Variants in ARFGAP2 observed in about 807,000 individuals in gnomAD.
The protein encoded by ARFGAP2 is ADP-ribosylation factor GTPase-activating protein 2.
A neutral mutation model predicts 71.9 loss-of-function variants in ARFGAP2; 45 were observed. That is an observed-to-expected ratio of 0.63 (90% CI 0.49 to 0.80). The LOEUF (loss-of-function observed/expected upper bound fraction) is 0.80. Ranked by LOEUF, ARFGAP2 falls within the 30% of genes least tolerant of loss-of-function variation. The probability of loss-of-function intolerance (pLI) is 0.00; values close to 1 mark genes in which losing one functional copy is unlikely to be tolerated. For missense variants in ARFGAP2, 633 were observed against 673.9 expected (o/e 0.94, Z 0.67); for synonymous variants, 248 against 249.2 (o/e 1.00, Z 0.05).
In ARFGAP2 at chr11:47,171,445, TG is replaced by T. The variant is rs755214880; in HGVS notation, c.921del (p.Met308TrpfsTer19). The T allele has an allele frequency of 6.2e-7, 1 of 1,614,252 alleles. No homozygotes were observed. Among genetic ancestry groups the T allele is most frequent in the South Asian group, 1.1e-5 (1 of 91,084 alleles). Reference protein sequence around the residue: ...GKKREQAERLGMGLVSRSSVS... With the variant: ...GKKREQAERLXMGLVSRSSVS... ...CCTCACCTTCGGGATACCAAGCCCA[TG>T]CCCAACCTTTCTGCCTGCTCTCGCT... is the stretch of plus-strand genomic sequence containing the variant. On this transcript the variant is annotated frameshift_variant, in exon 10 of 16. Coordinates refer to ENST00000524782, the MANE Select transcript of ARFGAP2 (RefSeq NM_032389.6). LOFTEE classifies it high-confidence loss of function.
In ARFGAP2 at chr11:47,176,784, T is replaced by G. The variant is rs1208189158; in HGVS notation, c.70A>C (p.Lys24Gln). 1 of 1,613,914 alleles carries G rather than the reference T, an allele frequency of 6.2e-7. No homozygotes were observed. Among genetic ancestry groups the G allele is most frequent in the Non-Finnish European group, 8.5e-7 (1 of 1,179,998 alleles). ...FKRLRAVPTN[K>Q]ACFDCGAKNP... ...CCGCGCGCCCCCTGCTCACGCACCT[T>G]GTTGGTTGGAACTGCGCGAAGCCTC... Residue 24 changes from lysine to glutamine, a missense_variant and splice_region_variant, in exon 1 of 16, where the codon AAG (lysine) becomes CAG (glutamine). Transcript: ENST00000524782.
At chr11:47,168,856 C>T (rs899454317) in intron 10 of ARFGAP2, among the ~76,000 whole-genome samples, 5 of 152,026 alleles carry the variant, frequency 3.3e-5, no homozygotes, top group African/African-American at 1.2e-4. Context: ...CACCAGATGC[C>T]AGTGGTCTCT....
intron 8 of ARFGAP2, 112 bp from the exon 9 acceptor site, chr11:47,171,912 G>A: frequency 1.4e-6 from 2 of 1,471,336 alleles, no homozygotes; most frequent in Non-Finnish European, 1.8e-6. Flanking sequence ...TAAAATTTAG[G>A]GTAAAAAACA....
In ARFGAP2 at chr11:47,168,429, C is replaced by T. The variant is rs79390375; in HGVS notation, c.942-178G>A. Reference sequence around the variant, plus strand: ...CAGAAGGCTAGCTGTGTGTGGTGACCTGTGAAGCACACCTCAGAATTCTTT... The same window carrying T: ...CAGAAGGCTAGCTGTGTGTGGTGACTTGTGAAGCACACCTCAGAATTCTTT... On this transcript the variant is annotated intron_variant, in intron 10 of 15. Coordinates refer to ENST00000524782, the MANE Select transcript of ARFGAP2 (RefSeq NM_032389.6). The T allele has an allele frequency of 5.5e-3, 3,957 of 714,066 alleles. 123 individuals are homozygous for T. The African/African-American group carries it at 0.063, about 11-fold the overall frequency. The allele number at this position is 714,066 out of a possible 1,614,324, so 44.2% of individuals were successfully genotyped here. A position where few individuals can be genotyped will look rare whatever the true frequency, so the allele number is the denominator to read the frequency against.
intron 2 of ARFGAP2, chr11:47,176,260 C>T (rs1952816218): frequency 3.4e-6 from 2 of 590,794 alleles, no homozygotes; most frequent in African/African-American, 3.7e-5. Context: ...CCTCCCTTTC[C>T]CCTCAACTAA....
rs1263032900 is a variant in ARFGAP2 at position 47,176,638 on chromosome 11, G to A, written c.73-4C>T. ...TGGCGCCGCAGTCGAAACAGGCCTG[G>A]GTGGAGGCGGCGATGAGCGAATCGT... On this transcript the variant is annotated splice_polypyrimidine_tract_variant and splice_region_variant and intron_variant, in intron 1 of 15. Coordinates refer to ENST00000524782, the MANE Select transcript of ARFGAP2 (RefSeq NM_032389.6). 8 of 1,614,012 alleles carry A rather than the reference G, an allele frequency of 5.0e-6. No individual in the cohort carries two copies. Among genetic ancestry groups the A allele is most frequent in the African/African-American group, 1.3e-5 (1 of 75,058 alleles).
At chr11:47,172,742 T>A (rs777491218) in intron 7 of ARFGAP2, 1 of 1,294,298 alleles carries the variant, frequency 7.7e-7, no homozygotes, top group East Asian at 5.5e-5. Context: ...AGCTGACAGA[T>A]ACACGGACTC....
chr11:47,172,780 A>G, intron 7 of ARFGAP2: 1 of 1,291,530 alleles, frequency 7.7e-7, no homozygotes, highest in Non-Finnish European at 1.0e-6. Flanking sequence ...TGTGGCTAAC[A>G]AGAGGCCCAC....
At position 47,175,281 on chromosome 11, in the gene ARFGAP2, G is replaced by A. The variant is rs773042915; in HGVS notation, c.297C>T (p.Ala99=). The A allele has an allele frequency of 2.5e-6, 4 of 1,614,144 alleles. No individual in the cohort carries two copies. Among genetic ancestry groups the A allele is most frequent in the Admixed American group, 3.3e-5 (2 of 60,022 alleles). Residue 99 remains alanine (A), a synonymous_variant, in exon 4 of 16, where the codon GCC becomes GCT. Coordinates refer to ENST00000524782, the MANE Select transcript of ARFGAP2 (RefSeq NM_032389.6). ...TAFFRQHGCT[A]NDANTKYNSR... Reference sequence around the variant, plus strand: ...TATTATATTTGGTGTTGGCATCATTGGCTGTGCATCCATGTTGGCGAAAAA... The same window carrying A: ...TATTATATTTGGTGTTGGCATCATTAGCTGTGCATCCATGTTGGCGAAAAA...
intron 2 of ARFGAP2, chr11:47,176,139 G>T (rs947709085): frequency 8.3e-6 from 5 of 604,642 alleles, no homozygotes; most frequent in Non-Finnish European, 1.2e-5. Flanking sequence ...TCCGAAAGGA[G>T]GTCACATTCT....
chr11:47,176,305 G>T, intron 2 of ARFGAP2: 1 of 601,320 alleles, frequency 1.7e-6, no homozygotes, highest in South Asian at 2.0e-5. Flanking sequence ...TCAAAAAAGA[G>T]GAAGTTTTGG....
intron 3 of ARFGAP2, 121 bp downstream of exon 3, chr11:47,175,730 G>C: frequency 9.0e-7 from 1 of 1,116,880 alleles, no homozygotes; most frequent in Non-Finnish European, 1.3e-6. Context: ...AATAGCTTAT[G>C]GTGGTGTTAT....
rs116820115 is a variant in ARFGAP2, at chr11:47,164,451, A to G, written c.*1031T>C. The stretch of plus-strand genomic sequence containing the variant: ...TGTGTTGCTTGGGAGCCCAACCTAC[A>G]ACCCAAAGGTGGGGGCTGGGCTGAG... On this transcript the variant is annotated 3_prime_UTR_variant, in exon 16 of 16. Transcript: ENST00000524782. The G allele has an allele frequency of 2.0e-3, 1,056 of 519,326 alleles. 18 individuals are homozygous for G. The highest frequency in any genetic ancestry group is 0.018 in the African/African-American group (939 of 50,928). 32.2% of individuals were successfully genotyped at this position (519,326 alleles called of 1,614,324 possible).
intron 10 of ARFGAP2, 105 bp downstream of exon 10, chr11:47,171,321 A>G: frequency 6.5e-7 from 1 of 1,533,752 alleles, no homozygotes; most frequent in Non-Finnish European, 8.8e-7. Context: ...ATCTATTCAG[A>G]CTTGGAGAAA....
rs1257303126 is a variant in ARFGAP2, at chr11:47,165,430, T to C, written c.*52A>G. 1.9e-6 allele frequency: 3 copies of C among 1,553,884 alleles called. No individual in the cohort carries two copies. Among genetic ancestry groups the C allele is most frequent in the Non-Finnish European group, 2.6e-6 (3 of 1,150,154 alleles). ...GGCAAAGCATCCCCAGCCTGGGAAC[T>C]GTGGAGTTCTTGTTGCCGTCACCAT... On this transcript the variant is annotated 3_prime_UTR_variant, in exon 16 of 16. Coordinates refer to ENST00000524782, the MANE Select transcript of ARFGAP2 (RefSeq NM_032389.6).
chr11:47,172,630 C>G (rs1189206965), intron 7 of ARFGAP2: 2 of 1,322,124 alleles, frequency 1.5e-6, no homozygotes, highest in African/African-American at 3.0e-5. Context: ...AGGCAGGGAG[C>G]ATATGGTGAG....
chr11:47,170,335 A>G (rs1332374766), intron 10 of ARFGAP2, among the ~76,000 whole-genome samples: 1 of 150,420 alleles, frequency 6.6e-6, no homozygotes, highest in Non-Finnish European at 1.5e-5. Context: ...AAAAAAAAAA[A>G]AAAAAAAAGA....
rs773657952 is a variant in ARFGAP2 at position 47,166,289 on chromosome 11, A to G, written c.1524T>C (p.Asn508=). 3 of 1,614,142 alleles carry G rather than the reference A, an allele frequency of 1.9e-6. No homozygotes were observed. The highest frequency in any genetic ancestry group is 2.2e-5 in the East Asian group (1 of 44,876). Residue 508 remains asparagine, a synonymous_variant, in exon 15 of 16, where the codon AAT becomes AAC. Coordinates refer to ENST00000524782, the MANE Select transcript of ARFGAP2 (RefSeq NM_032389.6). The part of the protein sequence containing the change: ...SVAGKMAVLA[N]GVMNSLQDRY... The stretch of plus-strand genomic sequence containing the variant: ...TCACCTGCAAGGAATTCATCACACC[A>G]TTGGCCAGCACAGCCATTTTCCCAG...
Position 47,171,520 on chromosome 11 carries a change from T to G in ARFGAP2, c.847A>C (p.Ile283Leu), listed in dbSNP as rs1565127959. The G allele has an allele frequency of 3.1e-6, 5 of 1,614,144 alleles. No individual in the cohort carries two copies. The highest frequency in any genetic ancestry group is 4.2e-6 in the Non-Finnish European group (5 of 1,180,028). Residue 283 changes from isoleucine (I) to leucine (L), a missense_variant, in exon 10 of 16, where the codon ATT becomes CTT. Transcript: ENST00000524782. Reference sequence around the variant, plus strand: ...TTCTTTTCCTCTTTCTTACGATCAATCTGGAGCTCCTGGTAGGCCAGACGC... The same window carrying G: ...TTCTTTTCCTCTTTCTTACGATCAAGCTGGAGCTCCTGGTAGGCCAGACGC... Reference protein sequence around the residue: ...SMRLAYQELQIDRKKEEKKLQ... With the variant: ...SMRLAYQELQLDRKKEEKKLQ...
Sources: allele counts gnomAD v4.1 joint callset (sites outside exome capture counted in the v4.1 genomes callset), GRCh38; gene constraint gnomAD v4.1.1; transcripts MANE v1.5; gene names NCBI Gene and HGNC (gene_info 2026-07-23, HGNC 2026-07-21).